The following CAMK1D variants were observed in gnomAD, a reference collection of about 807,000 sequenced individuals.
CAMK1D encodes calcium/calmodulin-dependent protein kinase type 1D.
Under a neutral mutation model 47.7 loss-of-function variants are expected in CAMK1D, and 9 were observed. The observed-to-expected ratio is 0.19, with a 90% CI of 0.11 to 0.33. The LOEUF is 0.33. Ranked by LOEUF, CAMK1D falls within the 10% of genes least tolerant of loss-of-function variation. CAMK1D has a pLI of 1.00. For missense variants in CAMK1D, 291 were observed against 488.7 expected, an observed-to-expected ratio of 0.60 and a Z score of 3.81; for synonymous variants, 184 against 184.9, an observed-to-expected ratio of 0.99 and a Z score of 0.04.
intron 1 of CAMK1D, among the ~76,000 whole-genome samples, chr10:12,479,094 TC>T (rs1387845088): frequency 6.6e-6 from 1 of 152,210 alleles, no homozygotes; most frequent in Non-Finnish European, 1.5e-5. Flanking sequence ...TGAAGATGCA[TC>T]ATAGTCTCCT....
chr10:12,415,455 AT>A (rs5783266), intron 1 of CAMK1D, among the ~76,000 whole-genome samples: 69 of 93,142 alleles, frequency 7.4e-4, no homozygotes, highest in African/African-American at 2.0e-3. Context: ...CGCCTGGCTA[AT>A]TTTTTTTTTT....
Position 12,486,501 on chromosome 10 carries a change from C to A in CAMK1D, c.93-66724C>A, listed in dbSNP as rs1013402154. ...ATAATTGCTTATGATAAATCATGCACCATGTACCCACGTGTGCATGTGTGC... is the reference window on the plus strand; with the variant it reads ...ATAATTGCTTATGATAAATCATGCAACATGTACCCACGTGTGCATGTGTGC... On this transcript the variant is annotated intron_variant, in intron 1 of 10. Transcript: ENST00000619168. Among the ~76,000 whole-genome samples, 6 of 149,948 alleles carry A rather than the reference C, an allele frequency of 4.0e-5. No homozygotes were observed. The East Asian group carries it at 1.0e-3, about 25-fold the overall frequency.
chr10:12,750,668 AGAATGAATGAAT>A (rs62896660), intron 3 of CAMK1D, among the ~76,000 whole-genome samples: 5 of 151,334 alleles, frequency 3.3e-5, no homozygotes, highest in Admixed American at 6.6e-5. Context: ...GGGAAAGTCA[AGAATGAATGAAT>A]GAATGAATGA....
At chr10:12,463,610 T>A (rs1262783187) in intron 1 of CAMK1D, among the ~76,000 whole-genome samples, 4 of 152,140 alleles carry the variant, frequency 2.6e-5, no homozygotes, top group Admixed American at 6.5e-5. Flanking sequence ...GCCAGTTTTC[T>A]CACCTCTGAG....
intron 2 of CAMK1D, among the ~76,000 whole-genome samples, chr10:12,634,800 T>C (rs1393480468): frequency 2.0e-5 from 3 of 152,050 alleles, no homozygotes; most frequent in African/African-American, 4.8e-5. Flanking sequence ...GGAGGCAACA[T>C]CTCGGGGTTC....
intron 2 of CAMK1D, among the ~76,000 whole-genome samples, chr10:12,563,343 G>A (rs1564414106): frequency 7.2e-6 from 1 of 139,220 alleles, no homozygotes; most frequent in Non-Finnish European, 1.6e-5. Flanking sequence ...AACAGAGTGA[G>A]ACTCTGTCTC....
intron 3 of CAMK1D, among the ~76,000 whole-genome samples, chr10:12,729,408 G>A (rs1834792174): frequency 6.6e-6 from 1 of 152,174 alleles, no homozygotes; most frequent in Non-Finnish European, 1.5e-5. Flanking sequence ...GGCCAAGGTG[G>A]GAGGACTGCT....
At position 12,661,762 on chromosome 10, in the gene CAMK1D, A is replaced by G. The variant is rs545229191; in HGVS notation, c.225-4974A>G. Among the ~76,000 whole-genome samples the G allele has an allele frequency of 6.8e-4, 103 of 152,358 alleles. No homozygotes were observed. In the South Asian group the frequency reaches 0.021, roughly 31 times the overall value. Reference sequence around the variant, plus strand: ...TTCCCAAACATATAAAGGGTAGAAGATGAGATCTATAGACTGGAAAGCTTG... The same window carrying G: ...TTCCCAAACATATAAAGGGTAGAAGGTGAGATCTATAGACTGGAAAGCTTG... On this transcript the variant is annotated intron_variant, in intron 2 of 10. Transcript: ENST00000619168.
chr10:12,640,964 G>GT (rs1205638269), intron 2 of CAMK1D, among the ~76,000 whole-genome samples: 3 of 151,580 alleles, frequency 2.0e-5, no homozygotes, highest in Admixed American at 2.0e-4. Flanking sequence ...CAGTTTTTTT[G>GT]TTTTTTTGTT....
intron 3 of CAMK1D, among the ~76,000 whole-genome samples, chr10:12,673,734 T>A (rs1840704084): frequency 6.6e-6 from 1 of 152,182 alleles, no homozygotes; most frequent in Non-Finnish European, 1.5e-5. Context: ...CTTATTCCCT[T>A]TTTGCCTCCA....
At chr10:12,573,607 T>C (rs1386497029) in intron 2 of CAMK1D, among the ~76,000 whole-genome samples, 1 of 152,108 alleles carries the variant, frequency 6.6e-6, no homozygotes, top group Non-Finnish European at 1.5e-5. Context: ...AGCTTTCCTC[T>C]TCTTTCCTTC....
At chr10:12,561,534 C>T (rs1252639822) in intron 2 of CAMK1D, among the ~76,000 whole-genome samples, 2 of 152,114 alleles carry the variant, frequency 1.3e-5, no homozygotes, top group Non-Finnish European at 1.5e-5. Context: ...CCTACACTTT[C>T]GTATTCTGGG....
intron 3 of CAMK1D, among the ~76,000 whole-genome samples, chr10:12,672,207 G>T (rs1207802007): frequency 2.0e-5 from 3 of 151,940 alleles, no homozygotes; most frequent in African/African-American, 7.3e-5. Context: ...GAGCCACCTC[G>T]CCGGGCCACT....
intron 3 of CAMK1D, among the ~76,000 whole-genome samples, chr10:12,739,525 G>A (rs971810373): frequency 2.0e-5 from 3 of 149,372 alleles, no homozygotes; most frequent in Admixed American, 6.8e-5. Flanking sequence ...TCCTGACCTC[G>A]TGATCCACCC....
intron 1 of CAMK1D, among the ~76,000 whole-genome samples, chr10:12,401,860 G>A (rs189006525): frequency 1.7e-3 from 256 of 150,662 alleles, no homozygotes; most frequent in Non-Finnish European, 2.8e-3. Context: ...GCTGAAAAGA[G>A]GCTTTGGTTG....
intron 3 of CAMK1D, among the ~76,000 whole-genome samples, chr10:12,680,559 C>G (rs1024296051): frequency 6.6e-6 from 1 of 152,130 alleles, no homozygotes; most frequent in South Asian, 2.1e-4. Context: ...TTTCCAAAAC[C>G]GGATCTCATC....
intron 1 of CAMK1D, among the ~76,000 whole-genome samples, chr10:12,538,618 G>T (rs1376965504): frequency 6.6e-6 from 1 of 152,170 alleles, no homozygotes; most frequent in African/African-American, 2.4e-5. Context: ...TGAGGATGGA[G>T]TGCCAGTTCC....
intron 1 of CAMK1D, among the ~76,000 whole-genome samples, chr10:12,359,330 A>T (rs1166495097): frequency 6.6e-6 from 1 of 152,334 alleles, no homozygotes; most frequent in East Asian, 1.9e-4. Flanking sequence ...CCTGCCCCTC[A>T]GAGGCCATTT....
intron 1 of CAMK1D, among the ~76,000 whole-genome samples, chr10:12,516,528 TGTAA>T (rs1564384733): frequency 6.6e-6 from 1 of 152,250 alleles, no homozygotes; most frequent in African/African-American, 2.4e-5. Context: ...CTGGGTCATA[TGTAA>T]GTATTTATTG....
Sources: allele counts gnomAD v4.1 joint callset (sites outside exome capture counted in the v4.1 genomes callset), GRCh38; gene constraint gnomAD v4.1.1; transcripts MANE v1.5; gene names NCBI Gene and HGNC (gene_info 2026-07-23, HGNC 2026-07-21).